TNKS: variants seen among roughly 807,000 people sequenced by gnomAD.
The protein encoded by TNKS is poly [ADP-ribose] polymerase tankyrase-1.
Under a neutral mutation model 135.8 loss-of-function variants are expected in TNKS, and 72 were observed. The ratio of observed to expected loss-of-function variants is 0.53; its 90% CI spans 0.44 to 0.64. TNKS has a LOEUF of 0.64. Among genes scored for constraint, TNKS ranks in the 30% least tolerant of loss-of-function variants. TNKS has a pLI of 0.00. For missense variants in TNKS, 1,769 were observed against 1,674.0 expected (o/e 1.06, Z -0.99); for synonymous variants, 849 against 649.3 (o/e 1.31, Z -4.68).
chr8:9,570,220 G>C (rs756872531), intron 1 of TNKS, among the ~76,000 whole-genome samples: 1 of 152,116 alleles, frequency 6.6e-6, no homozygotes, highest in Non-Finnish European at 1.5e-5. Flanking sequence ...TGGGAGGATT[G>C]CTTGAGCCCA....
intron 11 of TNKS, among the ~76,000 whole-genome samples, chr8:9,714,320 GCCCT>G (rs1804489480): frequency 8.4e-6 from 1 of 118,782 alleles, no homozygotes; most frequent in Non-Finnish European, 1.8e-5. Flanking sequence ...TGAAGCAACC[GCCCT>G]ACAGGCTTTT....
intron 5 of TNKS, among the ~76,000 whole-genome samples, chr8:9,694,478 C>G (rs923814051): frequency 1.3e-5 from 2 of 151,922 alleles, no homozygotes. Context: ...AAGTATTGTC[C>G]AGGCCCGGCA....
rs1804376195 is a variant in TNKS, at chr8:9,712,289, G to A, written c.1749+2069G>A. Among the ~76,000 whole-genome samples, 3 of 152,116 alleles carry A rather than the reference G, an allele frequency of 2.0e-5. No homozygotes were observed. The South Asian group carries it at 6.2e-4, about 32-fold the overall frequency. ...GAGGCCAGGAGTTCGACACCAGCCT[G>A]GGCAACACAGCAAGACACTATCTCT... On this transcript the variant is annotated intron_variant, in intron 11 of 26. Coordinates refer to ENST00000310430, the MANE Select transcript of TNKS (RefSeq NM_003747.3).
chr8:9,651,112 G>T (rs188591247), intron 3 of TNKS, among the ~76,000 whole-genome samples: 424 of 152,246 alleles, frequency 2.8e-3, no homozygotes, highest in Non-Finnish European at 4.6e-3. Context: ...CTTTGTTGAA[G>T]ATCAGTTGGC....
chr8:9,679,558 A>T (rs1295400850), intron 3 of TNKS, among the ~76,000 whole-genome samples: 1 of 152,132 alleles, frequency 6.6e-6, no homozygotes, highest in Non-Finnish European at 1.5e-5. Flanking sequence ...AAAGAGCCAC[A>T]TTATTTTGCT....
At chr8:9,751,388 A>G (rs1170391322) in intron 18 of TNKS, among the ~76,000 whole-genome samples, 1 of 152,198 alleles carries the variant, frequency 6.6e-6, no homozygotes, top group Non-Finnish European at 1.5e-5. Flanking sequence ...TAAATGAAAG[A>G]AGAAATATCT....
chr8:9,644,247 T>G (rs779288761), intron 3 of TNKS, among the ~76,000 whole-genome samples: 14 of 152,072 alleles, frequency 9.2e-5, no homozygotes, highest in Non-Finnish European at 1.9e-4. Flanking sequence ...TACTTAAAAG[T>G]GGTTAAGGTG....
chr8:9,640,082 G>A (rs1366324203), intron 3 of TNKS, among the ~76,000 whole-genome samples: 1 of 152,126 alleles, frequency 6.6e-6, no homozygotes, highest in South Asian at 2.1e-4. Context: ...TGGCAATTTT[G>A]ATAGTCTCAT....
At position 9,780,658 on chromosome 8, in the gene TNKS, G is replaced by A. The variant is rs1808420888; in HGVS notation, c.*3922G>A. 1 of 152,118 alleles carries A rather than the reference G, an allele frequency of 6.6e-6. No homozygotes were observed. Among genetic ancestry groups the A allele is most frequent in the South Asian group, 2.1e-4 (1 of 4,830 alleles). The allele number at this position is 152,118 out of a possible 1,614,324, so 9.4% of individuals were successfully genotyped here. A position where few individuals can be genotyped will look rare whatever the true frequency, so the allele number is the denominator to read the frequency against. On this transcript the variant is annotated 3_prime_UTR_variant, in exon 27 of 27. Transcript: ENST00000310430. Reference sequence around the variant, plus strand: ...TCCCCTCTAGAAAGCCTTAACTATGGCGGAAACTTTTTAACCTTTTATATT... The same window carrying A: ...TCCCCTCTAGAAAGCCTTAACTATGACGGAAACTTTTTAACCTTTTATATT...
intron 3 of TNKS, among the ~76,000 whole-genome samples, chr8:9,653,565 A>C (rs1418012852): frequency 1.3e-5 from 2 of 151,894 alleles, no homozygotes; most frequent in African/African-American, 4.8e-5. Flanking sequence ...ATGAGAGGCA[A>C]CCACACTTTA....
At chr8:9,581,940 C>T (rs1798183839) in intron 2 of TNKS, among the ~76,000 whole-genome samples, 2 of 152,182 alleles carry the variant, frequency 1.3e-5, no homozygotes, top group African/African-American at 2.4e-5. Flanking sequence ...ATCCCTGCAG[C>T]ACTCTACTTC....
At chr8:9,740,098 C>T (rs1317186460) in intron 17 of TNKS, among the ~76,000 whole-genome samples, 1 of 142,724 alleles carries the variant, frequency 7.0e-6, no homozygotes, top group Admixed American at 7.0e-5. Flanking sequence ...CAGAGTTATC[C>T]TTTCAAACAC....
At chr8:9,562,456 T>C (rs1797375142) in intron 1 of TNKS, among the ~76,000 whole-genome samples, 1 of 152,218 alleles carries the variant, frequency 6.6e-6, no homozygotes, top group African/African-American at 2.4e-5. Context: ...TTTATGATTT[T>C]AGCTACATTT....
rs748924033 is a variant in TNKS at position 9,735,417 on chromosome 8, G to A, written c.2574G>A (p.Glu858=). The A allele has an allele frequency of 6.2e-7, 1 of 1,613,920 alleles. No individual in the cohort carries two copies. Among genetic ancestry groups the A allele is most frequent in the African/African-American group, 1.3e-5 (1 of 74,890 alleles). ...TGGAAGTAGCTGAATATCTTCTAGA[G>A]CATGGAGCTGATGTTAATGCCCAGG... ...NNLEVAEYLL[E]HGADVNAQDK... Residue 858 remains glutamate (E), a synonymous_variant, in exon 17 of 27, where the codon GAG becomes GAA. Coordinates refer to ENST00000310430, the MANE Select transcript of TNKS (RefSeq NM_003747.3).
intron 5 of TNKS, among the ~76,000 whole-genome samples, chr8:9,688,296 G>A (rs1183045519): frequency 6.6e-6 from 1 of 152,172 alleles, no homozygotes; most frequent in Non-Finnish European, 1.5e-5. Context: ...TTGTTTAGGT[G>A]CAAACAGAAG....
At chr8:9,731,721 A>G (rs1805451800) in intron 14 of TNKS, among the ~76,000 whole-genome samples, 1 of 152,230 alleles carries the variant, frequency 6.6e-6, no homozygotes, top group Non-Finnish European at 1.5e-5. Context: ...TAGTCTTCCC[A>G]TATCAGTACT....
chr8:9,589,072 C>T (rs190209326), intron 2 of TNKS, among the ~76,000 whole-genome samples: 11 of 152,156 alleles, frequency 7.2e-5, no homozygotes, highest in African/African-American at 2.2e-4. Context: ...TGACTGAAAA[C>T]GGGATTATTT....
chr8:9,659,549 C>G (rs1302023959), intron 3 of TNKS, among the ~76,000 whole-genome samples: 1 of 151,984 alleles, frequency 6.6e-6, no homozygotes, highest in Non-Finnish European at 1.5e-5. Flanking sequence ...AGAACAAAGA[C>G]ACAACATACC....
intron 2 of TNKS, among the ~76,000 whole-genome samples, chr8:9,609,585 G>A (rs2128762846): frequency 6.6e-6 from 1 of 152,288 alleles, no homozygotes; most frequent in South Asian, 2.1e-4. Context: ...AACAATGACA[G>A]CTTCCATACA....
Sources: gnomAD v4.1 joint callset for allele counts (sites outside exome capture counted in the v4.1 genomes callset) on GRCh38, gnomAD v4.1.1 for gene constraint, MANE v1.5 for transcripts, NCBI Gene and HGNC (gene_info 2026-07-23, HGNC 2026-07-21) for gene names.